CAP2: variants seen among roughly 807,000 people sequenced by gnomAD.
CAP2 encodes adenylyl cyclase-associated protein 2.
Under a neutral mutation model 57.7 loss-of-function variants are expected in CAP2, and 24 were observed. The ratio of observed to expected loss-of-function variants is 0.42; its 90% CI spans 0.30 to 0.58. CAP2 has a LOEUF of 0.58. Among genes scored for constraint, CAP2 ranks in the 20% least tolerant of loss-of-function variants. CAP2 has a pLI of 0.22. For synonymous variants in CAP2, 194 were observed against 207.2 expected (o/e 0.94, Z 0.55); for missense variants, 501 against 590.3 (o/e 0.85, Z 1.57).
At chr6:17,399,143 A>C (rs1665676728) in intron 1 of CAP2, among the ~76,000 whole-genome samples, 1 of 152,164 alleles carries the variant, frequency 6.6e-6, no homozygotes, top group Admixed American at 6.5e-5. Context: ...GGCTCGCTGC[A>C]ACCTCCGCCT....
intron 4 of CAP2, among the ~76,000 whole-genome samples, chr6:17,465,272 AG>A: frequency 6.6e-6 from 1 of 152,196 alleles, no homozygotes; most frequent in South Asian, 2.1e-4. Context: ...AACTCATTGT[AG>A]TCTCAAATTC....
At chr6:17,540,640 G>T (rs1762877288) in intron 8 of CAP2, among the ~76,000 whole-genome samples, 1 of 152,142 alleles carries the variant, frequency 6.6e-6, no homozygotes, top group South Asian at 2.1e-4. Context: ...TGTAATCCCA[G>T]CTACTTGGGA....
chr6:17,438,570 C>T (rs1244143527), intron 3 of CAP2, among the ~76,000 whole-genome samples: 1 of 143,834 alleles, frequency 7.0e-6, no homozygotes, highest in Non-Finnish European at 1.5e-5. Context: ...TCCTGAGTAG[C>T]TGGGACTACA....
At chr6:17,545,877 CT>C (rs1561824062) in intron 11 of CAP2, among the ~76,000 whole-genome samples, 1 of 152,118 alleles carries the variant, frequency 6.6e-6, no homozygotes, top group Non-Finnish European at 1.5e-5. Flanking sequence ...TGAACTCATC[CT>C]TTTTTATGGC....
At chr6:17,425,443 T>G (rs1009269821) in intron 2 of CAP2, among the ~76,000 whole-genome samples, 1 of 152,072 alleles carries the variant, frequency 6.6e-6, no homozygotes, top group Non-Finnish European at 1.5e-5. Context: ...AGGAAGAAAA[T>G]GAGTGAAATC....
At chr6:17,445,033 C>T (rs534360432) in intron 3 of CAP2, among the ~76,000 whole-genome samples, 1 of 152,274 alleles carries the variant, frequency 6.6e-6, no homozygotes, top group Non-Finnish European at 1.5e-5. Flanking sequence ...GACTTATAAT[C>T]ACTGACAATA....
chr6:17,493,683 CAT>C (rs750722345), intron 4 of CAP2: 22 of 151,322 alleles, frequency 1.5e-4, no homozygotes, highest in Non-Finnish European at 2.5e-4. Flanking sequence ...ATTTATGAAT[CAT>C]GTGTACTGGA....
chr6:17,422,346 CTTTTTTTT>C (rs11320178), intron 2 of CAP2, among the ~76,000 whole-genome samples: 1 of 90,276 alleles, frequency 1.1e-5, no homozygotes, highest in South Asian at 4.2e-4. Flanking sequence ...ACCAACTATG[CTTTTTTTT>C]TTTTTTTTTT....
chr6:17,495,960 T>C (rs1328357849), intron 4 of CAP2, among the ~76,000 whole-genome samples: 1 of 129,792 alleles, frequency 7.7e-6, no homozygotes, highest in Non-Finnish European at 1.6e-5. Flanking sequence ...GGGGGATAGC[T>C]ATGCCAGCAG....
intron 7 of CAP2, among the ~76,000 whole-genome samples, chr6:17,529,122 A>G (rs1373701662): frequency 6.6e-6 from 1 of 152,238 alleles, no homozygotes; most frequent in Non-Finnish European, 1.5e-5. Context: ...CATAAATTCA[A>G]TTCAGTTACA....
intron 1 of CAP2, among the ~76,000 whole-genome samples, chr6:17,402,975 A>G (rs552626501): frequency 5.3e-5 from 8 of 152,340 alleles, no homozygotes; most frequent in African/African-American, 1.4e-4. Context: ...ATTAAGTGAC[A>G]TTTCTATAAC....
intron 4 of CAP2, among the ~76,000 whole-genome samples, chr6:17,476,864 CTTTTTTTTT>C (rs67003718): frequency 1.4e-5 from 1 of 72,410 alleles, no homozygotes; most frequent in African/African-American, 6.9e-5. Flanking sequence ...TTTCTTACTT[CTTTTTTTTT>C]TTTTTTTTTT....
At chr6:17,533,299 T>C (rs922135222) in intron 7 of CAP2, among the ~76,000 whole-genome samples, 2 of 152,192 alleles carry the variant, frequency 1.3e-5, no homozygotes, top group African/African-American at 4.8e-5. Flanking sequence ...CATTATTTTA[T>C]AGCTACAGTT....
At chr6:17,544,922 G>T (rs563477179) in intron 11 of CAP2, among the ~76,000 whole-genome samples, 6 of 152,056 alleles carry the variant, frequency 3.9e-5, no homozygotes, top group African/African-American at 1.4e-4. Context: ...AAACTATTAC[G>T]CATGCAAATT....
chr6:17,410,154 T>C (rs1181764664), intron 1 of CAP2, among the ~76,000 whole-genome samples: 1 of 152,256 alleles, frequency 6.6e-6, no homozygotes, highest in Non-Finnish European at 1.5e-5. Context: ...ATAACTTTGG[T>C]AGCCTCTCTA....
intron 7 of CAP2, among the ~76,000 whole-genome samples, chr6:17,534,686 T>G (rs6922411): frequency 0.99 from 150,797 of 152,282 alleles, 74,679 homozygotes; most frequent in East Asian, 1. Context: ...CCACTGGGAT[T>G]GAGAAGTAGT....
chr6:17,502,927 G>T (rs2113651330), intron 4 of CAP2, among the ~76,000 whole-genome samples: 1 of 152,326 alleles, frequency 6.6e-6, no homozygotes, highest in East Asian at 1.9e-4. Flanking sequence ...TTGATCAGGT[G>T]TTGTATTTGG....
chr6:17,525,575 C>A (rs11757430), intron 7 of CAP2, among the ~76,000 whole-genome samples: 326 of 152,256 alleles, frequency 2.1e-3, no homozygotes, highest in Admixed American at 5.3e-3. Flanking sequence ...CATAGCACTT[C>A]TTATACTCTC....
intron 4 of CAP2, among the ~76,000 whole-genome samples, chr6:17,473,524 T>C (rs1005220685): frequency 6.6e-6 from 1 of 152,224 alleles, no homozygotes. Context: ...TCAACAAATC[T>C]TTTTAAAAGC....
Sources: gnomAD v4.1 joint callset for allele counts (sites outside exome capture counted in the v4.1 genomes callset) on GRCh38, gnomAD v4.1.1 for gene constraint, MANE v1.5 for transcripts, NCBI Gene and HGNC (gene_info 2026-07-23, HGNC 2026-07-21) for gene names.